The following GPHN variants were observed in gnomAD, a reference collection of about 807,000 sequenced individuals.
GPHN encodes the protein gephyrin.
A neutral mutation model predicts 95.5 loss-of-function variants in GPHN; 17 were observed. The ratio of observed to expected loss-of-function variants is 0.18; its 90% CI spans 0.12 to 0.27. The LOEUF (loss-of-function observed/expected upper bound fraction) is 0.27. GPHN is among the 10% of genes least tolerant of loss of function. The pLI is 1.00. For missense variants in GPHN, 660 were observed against 978.1 expected, an observed-to-expected ratio of 0.67 and a Z score of 4.34; for synonymous variants, 320 against 322.5, an observed-to-expected ratio of 0.99 and a Z score of 0.08.
chr14:67,212,586 G>A, the GPHN span, among the ~76,000 whole-genome samples: 1 of 101,226 alleles, frequency 9.9e-6, no homozygotes, highest in Non-Finnish European at 2.0e-5. Context: ...GCAAGACCCT[G>A]TTGAAAAAAA....
At chr14:67,195,041 G>A in the GPHN span, among the ~76,000 whole-genome samples, 3 of 152,198 alleles carry the variant, frequency 2.0e-5, no homozygotes, top group African/African-American at 4.8e-5. Context: ...AGATGTTGGT[G>A]GGGTGAGGGG....
intron 13 of GPHN, among the ~76,000 whole-genome samples, chr14:67,108,714 T>TGC (rs1312360701): frequency 8.4e-6 from 1 of 119,538 alleles, no homozygotes; most frequent in Non-Finnish European, 1.9e-5. Flanking sequence ...CCCTAAGGGG[T>TGC]GTGTGTGTGT....
At chr14:67,581,179 G>T in the GPHN span, 8 of 626,210 alleles carry the variant, frequency 1.3e-5, no homozygotes, top group East Asian at 8.2e-5. Context: ...ACTAGCTGGG[G>T]TGCAGGCGGG....
chr14:67,503,030 G>A, the GPHN span, among the ~76,000 whole-genome samples: 1 of 152,154 alleles, frequency 6.6e-6, no homozygotes, highest in Non-Finnish European at 1.5e-5. Flanking sequence ...GTTCAGGGAA[G>A]TTGAGAGCCT....
chr14:66,986,416 T>C lies in GPHN; in HGVS notation c.963+21091T>C, dbSNP rs534683190. 4.6e-5 allele frequency among the ~76,000 whole-genome samples: 7 copies of C among 152,248 alleles called. No homozygotes were observed. In the South Asian group the frequency reaches 6.2e-4, roughly 14 times the overall value. ...CATTTGTGTATATAACCTGCTAATA[T>C]ACAATTGAAAGATTTCTAATTTGAT... is the stretch of plus-strand genomic sequence containing the variant. On this transcript the variant is annotated intron_variant, in intron 9 of 22. Transcript: ENST00000478722.
chr14:67,683,205 A>C, the GPHN span, among the ~76,000 whole-genome samples: 1 of 152,220 alleles, frequency 6.6e-6, no homozygotes, highest in Admixed American at 6.5e-5. Context: ...AGGCTCTTCA[A>C]AAGTCAATCC....
chr14:67,570,120 C>A, the GPHN span: 5 of 830,398 alleles, frequency 6.0e-6, no homozygotes, highest in Non-Finnish European at 9.9e-6. Flanking sequence ...CACATGGTGA[C>A]CCTGCCCAGG....
rs148804048 is a variant in GPHN at position 66,982,723 on chromosome 14, C to T, written c.963+17398C>T. On this transcript the variant is annotated intron_variant, in intron 9 of 22. Coordinates refer to ENST00000478722, the MANE Select transcript of GPHN (RefSeq NM_020806.5). ...TAGTAATCTCAATTTACTCCACAATCCTCACAATTATTTACATTCAATTCT... is the reference window on the plus strand; with the variant it reads ...TAGTAATCTCAATTTACTCCACAATTCTCACAATTATTTACATTCAATTCT... 1.2e-3 allele frequency among the ~76,000 whole-genome samples: 181 copies of T among 152,206 alleles called. 2 individuals are homozygous for T. The highest frequency in any genetic ancestry group is 2.1e-3 in the Non-Finnish European group (140 of 68,000).
At chr14:66,780,978 A>G (rs1478895134) in intron 3 of GPHN, among the ~76,000 whole-genome samples, 1 of 152,198 alleles carries the variant, frequency 6.6e-6, no homozygotes, top group Non-Finnish European at 1.5e-5. Context: ...TTTGTTATTA[A>G]AATAATATGA....
At chr14:67,278,259 C>T in the GPHN span, among the ~76,000 whole-genome samples, 55 of 151,954 alleles carry the variant, frequency 3.6e-4, no homozygotes, top group African/African-American at 1.3e-3. Context: ...AGGTCTCGAA[C>T]TCCCGACCTC....
At chr14:66,602,615 A>G (rs537148173) in intron 1 of GPHN, among the ~76,000 whole-genome samples, 1 of 152,132 alleles carries the variant, frequency 6.6e-6, no homozygotes, top group Admixed American at 6.5e-5. Context: ...GTTAGGAAGG[A>G]ACTTTACTAA....
chr14:66,996,177 G>A, intron 9 of GPHN: 1 of 1,533,188 alleles, frequency 6.5e-7, no homozygotes, highest in African/African-American at 1.4e-5. Flanking sequence ...GCAAAACCAG[G>A]CTCGGCTTCC....
At chr14:67,393,079 G>C in the GPHN span, 2 of 1,221,448 alleles carry the variant, frequency 1.6e-6, no homozygotes, top group African/African-American at 3.0e-5. Context: ...GGGCGGTCAA[G>C]CACACAGCTG....
At chr14:67,698,325 G>C in the GPHN span, among the ~76,000 whole-genome samples, 1 of 152,174 alleles carries the variant, frequency 6.6e-6, no homozygotes. Context: ...AATTAGCTAG[G>C]CATGGTGGTA....
chr14:66,878,999 C>T (rs1300706896), intron 4 of GPHN, among the ~76,000 whole-genome samples: 2 of 152,122 alleles, frequency 1.3e-5, no homozygotes, highest in Non-Finnish European at 2.9e-5. Context: ...AAATTTGGCA[C>T]ATATACACCA....
At chr14:67,424,131 TCAGGAGGCTGAGG>T in the GPHN span, among the ~76,000 whole-genome samples, 1 of 152,006 alleles carries the variant, frequency 6.6e-6, no homozygotes, top group Non-Finnish European at 1.5e-5. Context: ...TCCCAGCTAC[TCAGGAGGCTGAGG>T]CAGGAGAATC....
At chr14:67,592,586 GA>G in the GPHN span, 1 of 1,100,260 alleles carries the variant, frequency 9.1e-7, no homozygotes, top group Non-Finnish European at 1.4e-6. Context: ...CATTCCTAAT[GA>G]AAAGGTTGAG....
At chr14:66,561,807 G>A (rs960997023) in intron 1 of GPHN, among the ~76,000 whole-genome samples, 1 of 152,062 alleles carries the variant, frequency 6.6e-6, no homozygotes, top group African/African-American at 2.4e-5. Context: ...GAAGATCAGA[G>A]GTCCAATACA....
At chr14:67,621,193 C>T in the GPHN span, among the ~76,000 whole-genome samples, 1 of 152,154 alleles carries the variant, frequency 6.6e-6, no homozygotes, top group African/African-American at 2.4e-5. Context: ...GAGGCAAGGT[C>T]TGAACAGCTG....
Sources: gnomAD v4.1 joint callset for allele counts (sites outside exome capture counted in the v4.1 genomes callset) on GRCh38, gnomAD v4.1.1 for gene constraint, MANE v1.5 for transcripts, NCBI Gene and HGNC (gene_info 2026-07-23, HGNC 2026-07-21) for gene names.